Variants in RORA observed in about 807,000 individuals in gnomAD.
RORA encodes nuclear receptor ROR-alpha.
In RORA, 7 loss-of-function variants were observed where a neutral mutation model predicts 69.5. The ratio of observed to expected loss-of-function variants is 0.10; its 90% CI spans 0.06 to 0.19. The LOEUF is 0.19. RORA is among the 10% of genes least tolerant of loss of function. The probability of loss-of-function intolerance (pLI) is 1.00; values close to 1 mark genes in which losing one functional copy is unlikely to be tolerated. For missense variants in RORA, 457 were observed against 663.0 expected (o/e 0.69, Z 3.41); for synonymous variants, 261 against 240.8 (o/e 1.08, Z -0.78).
chr15:61,071,668 G>GATA, intron 1 of RORA, among the ~76,000 whole-genome samples: 1 of 74,626 alleles, frequency 1.3e-5, no homozygotes, highest in African/African-American at 5.5e-5. Context: ...GAGGGGTGGG[G>GATA]AGGGGAGAGG....
chr15:60,770,895 G>GCC (rs997438270), intron 1 of RORA, among the ~76,000 whole-genome samples: 11 of 152,298 alleles, frequency 7.2e-5, no homozygotes, highest in African/African-American at 1.2e-4. Flanking sequence ...AGTTAAGGTT[G>GCC]TCAGGTAAAA....
Position 60,501,068 on chromosome 15 carries a change from A to G in RORA, c.1185T>C (p.Gly395=). The G allele has an allele frequency of 3.2e-6, 5 of 1,547,616 alleles. No individual in the cohort carries two copies. In the South Asian group the frequency reaches 4.5e-5, roughly 14 times the overall value. The part of the protein sequence containing the change: ...YASPDVFKSL[G]CEDFISFVFE... Reference sequence around the variant, plus strand: ...ACACAAAGCTAATAAAGTCTTCACAACCTGCCAAAATGAAAACAAAGACAG... The same window carrying G: ...ACACAAAGCTAATAAAGTCTTCACAGCCTGCCAAAATGAAAACAAAGACAG... Residue 395 remains glycine (G), a splice_region_variant and synonymous_variant, in exon 9 of 11, where the codon GGT becomes GGC. Transcript: ENST00000335670.
rs560934768 is a variant in RORA at position 60,653,784 on chromosome 15, T to G, written c.196+24873A>C. On this transcript the variant is annotated intron_variant, in intron 2 of 10. Transcript: ENST00000335670. The stretch of plus-strand genomic sequence containing the variant: ...CCTGTTTCAGCCACCTTGTCTCATT[T>G]TTTTTTTACTCTGATATCATATTTC... Among the ~76,000 whole-genome samples, 57 of 151,966 alleles carry G rather than the reference T, an allele frequency of 3.8e-4. 1 individual carries two copies. In the East Asian group the frequency reaches 8.3e-3, roughly 22 times the overall value.
At chr15:60,978,716 G>C (rs977194892) in intron 1 of RORA, among the ~76,000 whole-genome samples, 1 of 151,996 alleles carries the variant, frequency 6.6e-6, no homozygotes, top group African/African-American at 2.4e-5. Context: ...TGAGGTAAGG[G>C]TCCAACATTA....
Position 61,078,411 on chromosome 15 carries a change from C to G in RORA, c.166+150642G>C, listed in dbSNP as rs1466717126. On this transcript the variant is annotated intron_variant, in intron 1 of 10. Coordinates refer to ENST00000335670, the MANE Select transcript of RORA (RefSeq NM_134261.3). ...ATGGGGTTTCACCATGTTGGCCAGG[C>G]TGGTCTCGAACTTCTGACCTCAAGT... Among the ~76,000 whole-genome samples the G allele has an allele frequency of 8.6e-5, 13 of 150,596 alleles. No homozygotes were observed. In the Admixed American group the frequency reaches 8.7e-4, roughly 10 times the overall value.
chr15:61,127,486 T>G (rs974102369), intron 1 of RORA, among the ~76,000 whole-genome samples: 1 of 152,208 alleles, frequency 6.6e-6, no homozygotes, highest in African/African-American at 2.4e-5. Context: ...TATCTCTGAC[T>G]TGAAATGTCT....
chr15:60,804,576 G>T (rs1048377084), intron 1 of RORA, among the ~76,000 whole-genome samples: 7 of 152,140 alleles, frequency 4.6e-5, no homozygotes, highest in African/African-American at 1.7e-4. Flanking sequence ...GTGAATCAGG[G>T]CCATTTAAAA....
intron 6 of RORA, among the ~76,000 whole-genome samples, chr15:60,504,429 C>T (rs773807852): frequency 1.3e-5 from 2 of 152,188 alleles, no homozygotes; most frequent in Middle Eastern, 3.4e-3. Context: ...CACCGGTACT[C>T]CCAGCTACTT....
At chr15:61,091,735 T>G (rs1351441021) in intron 1 of RORA, among the ~76,000 whole-genome samples, 1 of 152,234 alleles carries the variant, frequency 6.6e-6, no homozygotes, top group African/African-American at 2.4e-5. Context: ...CTTTGCTGAG[T>G]GCCTAGTAGT....
intron 1 of RORA, chr15:60,736,850 G>A (rs1291523508): frequency 2.6e-5 from 4 of 152,158 alleles, no homozygotes; most frequent in Admixed American, 6.5e-5. Context: ...TTAGTACTTC[G>A]ATAGGAGAAT....
chr15:60,836,617 C>A (rs749262062), intron 1 of RORA, among the ~76,000 whole-genome samples: 1 of 152,196 alleles, frequency 6.6e-6, no homozygotes, highest in South Asian at 2.1e-4. Context: ...ACACGTTCAG[C>A]GGGGACTCCA....
chr15:60,649,699 G>C (rs2070111227), intron 2 of RORA, among the ~76,000 whole-genome samples: 1 of 152,132 alleles, frequency 6.6e-6, no homozygotes, highest in Non-Finnish European at 1.5e-5. Context: ...TCCCTGTGTT[G>C]TTCTTGGGCG....
chr15:61,024,270 CTTTTTTTTTTTTTT>C (rs34008494), intron 1 of RORA, among the ~76,000 whole-genome samples: 2 of 79,396 alleles, frequency 2.5e-5, no homozygotes, highest in South Asian at 5.8e-4. Context: ...TCTTGGATCT[CTTTTTTTTTTTTTT>C]TTTTTTTTTT....
At chr15:61,090,181 G>A (rs941786766) in intron 1 of RORA, among the ~76,000 whole-genome samples, 3 of 152,172 alleles carry the variant, frequency 2.0e-5, no homozygotes, top group Non-Finnish European at 4.4e-5. Context: ...CCCTGGTCTG[G>A]GTTCTGAGGA....
At chr15:60,514,467 T>C (rs2065801521) in intron 4 of RORA, 149 bp downstream of exon 4, 1 of 722,422 alleles carries the variant, frequency 1.4e-6, no homozygotes. Context: ...GAGTTCCATG[T>C]AGCTGCCAGA....
At chr15:60,937,609 T>C (rs915241059) in intron 1 of RORA, among the ~76,000 whole-genome samples, 1 of 152,178 alleles carries the variant, frequency 6.6e-6, no homozygotes, top group East Asian at 1.9e-4. Context: ...TCCACCAGTT[T>C]CCCAGACTCC....
intron 1 of RORA, among the ~76,000 whole-genome samples, chr15:60,826,086 G>C (rs1354374526): frequency 6.6e-6 from 1 of 152,188 alleles, no homozygotes; most frequent in Non-Finnish European, 1.5e-5. Context: ...CCAAATATGA[G>C]GAAGCCACAG....
intron 1 of RORA, chr15:60,736,932 A>G (rs757721530): frequency 2.6e-5 from 4 of 152,230 alleles, no homozygotes; most frequent in Non-Finnish European, 5.9e-5. Flanking sequence ...CAATGCCTCG[A>G]AGACAGAAAA....
chr15:61,151,545 T>G (rs1193040251), intron 1 of RORA, among the ~76,000 whole-genome samples: 1 of 152,236 alleles, frequency 6.6e-6, no homozygotes, highest in East Asian at 1.9e-4. Context: ...TTCAAAATAC[T>G]GGAGTGTCCC....
Sources: allele counts gnomAD v4.1 joint callset (sites outside exome capture counted in the v4.1 genomes callset), GRCh38; gene constraint gnomAD v4.1.1; transcripts MANE v1.5; gene names NCBI Gene and HGNC (gene_info 2026-07-23, HGNC 2026-07-21).